Variants in OR5AU1 observed in about 807,000 individuals in gnomAD.
OR5AU1 encodes olfactory receptor 5AU1.
For synonymous variants in OR5AU1, 169 were observed against 152.0 expected, an observed-to-expected ratio of 1.11 and a Z score of -0.82; for missense variants, 415 against 374.2, an observed-to-expected ratio of 1.11 and a Z score of -0.90.
rs138056054 is a variant in OR5AU1 at position 21,155,508 on chromosome 14, C to T, written c.365G>A (p.Arg122His). Residue 122 changes from arginine to histidine, a missense_variant, in exon 1 of 1, where the codon CGC becomes CAC. Arg to His is a conservative substitution (Grantham distance 29, BLOSUM62 0). Coordinates refer to ENST00000304418, the MANE Select transcript of OR5AU1 (RefSeq NM_001004731.3). Reference sequence around the variant, plus strand: ...CAGGGGGTTACAAATAGCGGCATAGCGGTCATAGGCCATGGCAGCGATGAG... The same window carrying T: ...CAGGGGGTTACAAATAGCGGCATAGTGGTCATAGGCCATGGCAGCGATGAG... ...CYLIAAMAYDRYAAICNPLLY... is the reference protein window; with the variant it reads ...CYLIAAMAYDHYAAICNPLLY... The T allele has an allele frequency of 3.8e-5, 61 of 1,614,114 alleles. No individual in the cohort carries two copies. The highest frequency in any genetic ancestry group is 3.3e-4 in the East Asian group (15 of 44,884).
Position 21,155,425 on chromosome 14 carries a change from T to C in OR5AU1, c.448A>G (p.Ser150Gly), listed in dbSNP as rs990964237. ...ATAAGAGAATTGAGGAATCCTGCAC[T>C]GTAGGAGCCCACAATCAGCGAGGCA... ...VCASLIVGSY[S>G]AGFLNSLIHT... is the part of the protein sequence containing the mutation. The change falls in exon 1 of 1, where the codon AGT becomes GGT. Residue 150 changes from serine to glycine, a missense_variant. By Grantham distance (56) the Ser-to-Gly change is moderately conservative. Transcript: ENST00000304418. 1 of 1,614,098 alleles carries C rather than the reference T, an allele frequency of 6.2e-7. No individual in the cohort carries two copies. Among genetic ancestry groups the C allele is most frequent in the East Asian group, 2.2e-5 (1 of 44,872 alleles).
rs771364779 is a variant in OR5AU1 at position 21,156,043 on chromosome 14, C to G, written c.-171G>C. 10 of 1,593,890 alleles carry G rather than the reference C, an allele frequency of 6.3e-6. No individual in the cohort carries two copies. The South Asian group carries it at 1.1e-4, about 18-fold the overall frequency. ...TCTGTCATAGAGAGGATCTTTTCTC[C>G]TTGGTTGGTTGGTTAGTTGGTAAGC... is the stretch of plus-strand genomic sequence containing the variant. On this transcript the variant is annotated 5_prime_UTR_variant, in exon 1 of 1. Transcript: ENST00000304418.
Position 21,155,502 on chromosome 14 carries a change from G to T in OR5AU1, c.371C>A (p.Ala124Asp). The T allele has an allele frequency of 6.2e-7, 1 of 1,614,118 alleles. No homozygotes were observed. The highest frequency in any genetic ancestry group is 1.3e-5 in the African/African-American group (1 of 75,044). Residue 124 changes from alanine to aspartate, a missense_variant, in exon 1 of 1, where the codon GCC (alanine) becomes GAC (aspartate). Coordinates refer to ENST00000304418, the MANE Select transcript of OR5AU1 (RefSeq NM_001004731.3). ...LIAAMAYDRY[A>D]AICNPLLYST... Reference sequence around the variant, plus strand: ...GTAGAGCAGGGGGTTACAAATAGCGGCATAGCGGTCATAGGCCATGGCAGC... The same window carrying T: ...GTAGAGCAGGGGGTTACAAATAGCGTCATAGCGGTCATAGGCCATGGCAGC...
At position 21,155,504 on chromosome 14, in the gene OR5AU1, A is replaced by G. The variant is rs1433803081; in HGVS notation, c.369T>C (p.Tyr123=). 2.5e-6 allele frequency: 4 copies of G among 1,614,224 alleles called. No individual in the cohort carries two copies. In the South Asian group the frequency reaches 3.3e-5, roughly 13 times the overall value. Residue 123 remains tyrosine, a synonymous_variant, in exon 1 of 1, where the codon TAT becomes TAC. Transcript: ENST00000304418. ...AGAGCAGGGGGTTACAAATAGCGGCATAGCGGTCATAGGCCATGGCAGCGA... is the reference window on the plus strand; with the variant it reads ...AGAGCAGGGGGTTACAAATAGCGGCGTAGCGGTCATAGGCCATGGCAGCGA... The part of the protein sequence containing the change: ...YLIAAMAYDR[Y]AAICNPLLYS...
rs1451486424 is a variant in OR5AU1 at position 21,155,750 on chromosome 14, C to T, written c.123G>A (p.Gly41=). ...FLGMYTATLL[G]NLVMFLLIHV... ...GGATCAGGAGGAACATGACCAGGTT[C>T]CCCAGCAGAGTGGCTGTGTACATGC... The change falls in exon 1 of 1, where the codon GGG becomes GGA. Residue 41 remains glycine (G), a synonymous_variant. Transcript: ENST00000304418. 1 of 1,614,100 alleles carries T rather than the reference C, an allele frequency of 6.2e-7. No homozygotes were observed. The highest frequency in any genetic ancestry group is 1.1e-5 in the South Asian group (1 of 91,078).
Position 21,154,982 on chromosome 14 carries a change from C to T in OR5AU1, c.891G>A (p.Val297=). Reference sequence around the variant, plus strand: ...CCCAAACCTTTATTAAAGCTTTCTTCACATCCTTGTTTCTCAAAGAGTACA... The same window carrying T: ...CCCAAACCTTTATTAAAGCTTTCTTTACATCCTTGTTTCTCAAAGAGTACA... ...PLMYSLRNKD[V]KKALIKVWGR... Residue 297 remains valine, a synonymous_variant, in exon 1 of 1, where the codon GTG becomes GTA. Coordinates refer to ENST00000304418, the MANE Select transcript of OR5AU1 (RefSeq NM_001004731.3). 1 of 1,613,034 alleles carries T rather than the reference C, an allele frequency of 6.2e-7. No individual in the cohort carries two copies. The highest frequency in any genetic ancestry group is 8.5e-7 in the Non-Finnish European group (1 of 1,179,116).
rs777472983 is a variant in OR5AU1, at chr14:21,155,798, C to G, written c.75G>C (p.Arg25Ser). The part of the protein sequence containing the change: ...LGLTTDPQLQ[R>S]LLFVVFLGMY... ...TGCCCAGGAACACCACGAAGAGCAG[C>G]CTCTGGAGCTGGGGGTCAGTGGTGA... The change falls in exon 1 of 1, where the codon AGG becomes AGC. Residue 25 changes from arginine (R) to serine (S), a missense_variant. Coordinates refer to ENST00000304418, the MANE Select transcript of OR5AU1 (RefSeq NM_001004731.3). 15 of 1,614,116 alleles carry G rather than the reference C, an allele frequency of 9.3e-6. No homozygotes were observed. Among genetic ancestry groups the G allele is most frequent in the Non-Finnish European group, 1.3e-5 (15 of 1,180,014 alleles).
rs1890542881 is a variant in OR5AU1, at chr14:21,154,997, CAA to C, written c.874_875del (p.Leu292GlufsTer15). On this transcript the variant is annotated frameshift_variant, in exon 1 of 1. Coordinates refer to ENST00000304418, the MANE Select transcript of OR5AU1 (RefSeq NM_001004731.3). LOFTEE classifies it high-confidence loss of function. ...IPVLNPLMYS[L>X]RNKDVKKALI... ...AAGCTTTCTTCACATCCTTGTTTCT[CAA>C]AGAGTACATGAGGGGGTTCAGCACT... 1 of 1,613,698 alleles carries C rather than the reference CAA, an allele frequency of 6.2e-7. No individual in the cohort carries two copies. Among genetic ancestry groups the C allele is most frequent in the Non-Finnish European group, 8.5e-7 (1 of 1,179,646 alleles).
Position 21,154,894 on chromosome 14 carries a change from G to T in OR5AU1, c.*43C>A, listed in dbSNP as rs45468597. ...CAGGGTGACACCACCTAAGGTAAAAGTTCCCTTGACTTTCTAAAGATATGT... is the reference window on the plus strand; with the variant it reads ...CAGGGTGACACCACCTAAGGTAAAATTTCCCTTGACTTTCTAAAGATATGT... On this transcript the variant is annotated 3_prime_UTR_variant, in exon 1 of 1. Coordinates refer to ENST00000304418, the MANE Select transcript of OR5AU1 (RefSeq NM_001004731.3). 93,838 of 1,563,262 alleles carry T rather than the reference G, an allele frequency of 0.06. 3,046 individuals carry two copies. Among genetic ancestry groups the T allele is most frequent in the African/African-American group, 0.083 (6,146 of 73,736 alleles).
rs767711572 is a variant in OR5AU1 at position 21,155,766 on chromosome 14, G to A, written c.107C>T (p.Thr36Ile). ...LLFVVFLGMY[T>I]ATLLGNLVMF... is the part of the protein sequence containing the mutation. ...GACCAGGTTCCCCAGCAGAGTGGCT[G>A]TGTACATGCCCAGGAACACCACGAA... The change falls in exon 1 of 1, where the codon ACA becomes ATA. Residue 36 changes from threonine (T) to isoleucine (I), a missense_variant. Transcript: ENST00000304418. The A allele has an allele frequency of 1.2e-6, 2 of 1,614,020 alleles. No homozygotes were observed. Among genetic ancestry groups the A allele is most frequent in the African/African-American group, 2.7e-5 (2 of 74,922 alleles).
Position 21,154,968 on chromosome 14 carries a change from A to T in OR5AU1, c.905T>A (p.Ile302Lys), listed in dbSNP as rs764552119. The T allele has an allele frequency of 6.2e-6, 10 of 1,611,682 alleles. No individual in the cohort carries two copies. In the South Asian group the frequency reaches 1.1e-4, roughly 18 times the overall value. The part of the protein sequence containing the change: ...LRNKDVKKAL[I>K]KVWGRKTME The stretch of plus-strand genomic sequence containing the variant: ...CATTGTTTTCCTACCCCAAACCTTT[A>T]TTAAAGCTTTCTTCACATCCTTGTT... The change falls in exon 1 of 1, where the codon ATA (isoleucine) becomes AAA (lysine). Residue 302 changes from isoleucine to lysine, a missense_variant. By Grantham distance (102) the Ile-to-Lys change is moderately radical. Transcript: ENST00000304418.
Position 21,155,917 on chromosome 14 carries a change from A to T in OR5AU1, c.-45T>A. 6.2e-7 allele frequency: 1 copy of T among 1,614,120 alleles called. No individual in the cohort carries two copies. Among genetic ancestry groups the T allele is most frequent in the East Asian group, 2.2e-5 (1 of 44,876 alleles). ...ATGGAGAAAGAAGGCACCACCATAA[A>T]TGAGGTTGAACACCTGGGGCTCTGA... On this transcript the variant is annotated 5_prime_UTR_variant, in exon 1 of 1. Coordinates refer to ENST00000304418, the MANE Select transcript of OR5AU1 (RefSeq NM_001004731.3).
Position 21,155,762 on chromosome 14 carries a change from G to A in OR5AU1, c.111C>T (p.Ala37=). ...LFVVFLGMYT[A]TLLGNLVMFL... is the part of the protein sequence containing the mutation. ...ACATGACCAGGTTCCCCAGCAGAGT[G>A]GCTGTGTACATGCCCAGGAACACCA... is the stretch of plus-strand genomic sequence containing the variant. Residue 37 remains alanine, a synonymous_variant, in exon 1 of 1, where the codon GCC becomes GCT. Coordinates refer to ENST00000304418, the MANE Select transcript of OR5AU1 (RefSeq NM_001004731.3). 1.2e-6 allele frequency: 2 copies of A among 1,614,120 alleles called. No individual in the cohort carries two copies. The highest frequency in any genetic ancestry group is 1.7e-6 in the Non-Finnish European group (2 of 1,180,020).
rs138179143 is a variant in OR5AU1, at chr14:21,155,011, G to T, written c.862C>A (p.Leu288Ile). The T allele has an allele frequency of 6.2e-7, 1 of 1,613,978 alleles. No individual in the cohort carries two copies. The change falls in exon 1 of 1, where the codon CTC becomes ATC. Residue 288 changes from leucine (L) to isoleucine (I), a missense_variant. Physicochemically the swap from Leu to Ile is conservative, Grantham distance 5. Transcript: ENST00000304418. The part of the protein sequence containing the change: ...YTVVIPVLNP[L>I]MYSLRNKDVK... ...TCCTTGTTTCTCAAAGAGTACATGA[G>T]GGGGTTCAGCACTGGGATCACCACT...
At position 21,154,927 on chromosome 14, in the gene OR5AU1, C is replaced by A; in HGVS notation, c.*10G>T. 1 of 1,599,352 alleles carries A rather than the reference C, an allele frequency of 6.3e-7. No homozygotes were observed. Among genetic ancestry groups the A allele is most frequent in the Non-Finnish European group, 8.6e-7 (1 of 1,169,066 alleles). The stretch of plus-strand genomic sequence containing the variant: ...GACTTTCTAAAGATATGTGGTAATG[C>A]ATTGAGAAATCATTCCATTGTTTTC... On this transcript the variant is annotated 3_prime_UTR_variant, in exon 1 of 1. Coordinates refer to ENST00000304418, the MANE Select transcript of OR5AU1 (RefSeq NM_001004731.3).
chr14:21,155,703 G>C lies in OR5AU1; in HGVS notation c.170C>G (p.Thr57Arg), dbSNP rs200164964. ...GCTCTTCAGGAGGGAGTACATGGGT[G>C]TGTGCAGGGTGGCACTCACATGGAT... ...LLIHVSATLHTPMYSLLKSLS... is the reference protein window; with the variant it reads ...LLIHVSATLHRPMYSLLKSLS... The change falls in exon 1 of 1, where the codon ACA becomes AGA. Residue 57 changes from threonine (T) to arginine (R), a missense_variant. Transcript: ENST00000304418. 6.2e-7 allele frequency: 1 copy of C among 1,614,082 alleles called. No homozygotes were observed. The highest frequency in any genetic ancestry group is 2.2e-5 in the East Asian group (1 of 44,868).
Position 21,155,767 on chromosome 14 carries a change from T to C in OR5AU1, c.106A>G (p.Thr36Ala), listed in dbSNP as rs764386262. 8.7e-6 allele frequency: 14 copies of C among 1,613,766 alleles called. No individual in the cohort carries two copies. Residue 36 changes from threonine to alanine, a missense_variant, in exon 1 of 1, where the codon ACA (threonine) becomes GCA (alanine). Physicochemically the swap from Thr to Ala is moderately conservative, Grantham distance 58. Transcript: ENST00000304418. Reference sequence around the variant, plus strand: ...ACCAGGTTCCCCAGCAGAGTGGCTGTGTACATGCCCAGGAACACCACGAAG... The same window carrying C: ...ACCAGGTTCCCCAGCAGAGTGGCTGCGTACATGCCCAGGAACACCACGAAG... ...LLFVVFLGMY[T>A]ATLLGNLVMF...
chr14:21,155,836 C>A lies in OR5AU1; in HGVS notation c.37G>T (p.Glu13Ter). 1 of 1,614,178 alleles carries A rather than the reference C, an allele frequency of 6.2e-7. No individual in the cohort carries two copies. The highest frequency in any genetic ancestry group is 2.2e-5 in the East Asian group (1 of 44,876). ...GANLSQGMEF[E>*]LLGLTTDPQL... The stretch of plus-strand genomic sequence containing the variant: ...GGGTCAGTGGTGAGGCCCAAGAGCT[C>A]AAACTCCATCCCTTGGCTCAGGTTT... Residue 13 changes from glutamate (E) to a stop codon, truncating the protein, a stop_gained, in exon 1 of 1, where the codon GAG becomes TAG. Coordinates refer to ENST00000304418, the MANE Select transcript of OR5AU1 (RefSeq NM_001004731.3). LOFTEE classifies it low-confidence loss of function (END_TRUNC).
rs754294754 is a variant in OR5AU1 at position 21,154,974 on chromosome 14, G to C, written c.899C>G (p.Ala300Gly). ...YSLRNKDVKK[A>G]LIKVWGRKTM... Reference sequence around the variant, plus strand: ...TTTCCTACCCCAAACCTTTATTAAAGCTTTCTTCACATCCTTGTTTCTCAA... The same window carrying C: ...TTTCCTACCCCAAACCTTTATTAAACCTTTCTTCACATCCTTGTTTCTCAA... The change falls in exon 1 of 1, where the codon GCT becomes GGT. Residue 300 changes from alanine to glycine, a missense_variant. By Grantham distance (60) the Ala-to-Gly change is moderately conservative. Transcript: ENST00000304418. The C allele has an allele frequency of 3.7e-6, 6 of 1,612,250 alleles. No homozygotes were observed. The highest frequency in any genetic ancestry group is 5.1e-6 in the Non-Finnish European group (6 of 1,178,510).
Sources: gnomAD v4.1 joint callset for allele counts on GRCh38, gnomAD v4.1.1 for gene constraint, MANE v1.5 for transcripts, NCBI Gene and HGNC (gene_info 2026-07-23, HGNC 2026-07-21) for gene names.